The following SPON1 variants were observed in gnomAD, a reference collection of about 807,000 sequenced individuals.
SPON1 encodes spondin-1.
Under a neutral mutation model 111.7 loss-of-function variants are expected in SPON1, and 52 were observed. The observed-to-expected ratio is 0.47, with a 90% CI of 0.37 to 0.59. The LOEUF (loss-of-function observed/expected upper bound fraction) is 0.59. Among genes scored for constraint, SPON1 ranks in the 20% least tolerant of loss-of-function variants. SPON1 has a pLI of 0.00. For synonymous variants in SPON1, 410 were observed against 395.8 expected (o/e 1.04, Z -0.43); for missense variants, 957 against 1,068.5 (o/e 0.90, Z 1.46).
At chr11:14,221,301 C>A (rs1403535192) in intron 6 of SPON1, among the ~76,000 whole-genome samples, 1 of 152,086 alleles carries the variant, frequency 6.6e-6, no homozygotes, top group Non-Finnish European at 1.5e-5. Flanking sequence ...CTGTTTTATT[C>A]TTCTCGAGAA....
chr11:14,156,650 C>A (rs1171279661), intron 6 of SPON1, among the ~76,000 whole-genome samples: 1 of 152,060 alleles, frequency 6.6e-6, no homozygotes, highest in Non-Finnish European at 1.5e-5. Flanking sequence ...AGTCTTTAAT[C>A]CATCTTGAAG....
At chr11:14,189,849 T>C (rs1848326270) in intron 6 of SPON1, among the ~76,000 whole-genome samples, 1 of 152,170 alleles carries the variant, frequency 6.6e-6, no homozygotes, top group Non-Finnish European at 1.5e-5. Flanking sequence ...TTAAACTACA[T>C]CATTTCAAAG....
intron 6 of SPON1, among the ~76,000 whole-genome samples, chr11:14,163,677 A>C (rs1378119293): frequency 6.6e-6 from 1 of 152,172 alleles, no homozygotes; most frequent in Non-Finnish European, 1.5e-5. Flanking sequence ...GGGTGAGAGA[A>C]ATACACATGC....
At chr11:14,067,195 A>G (rs182729414) in intron 3 of SPON1, among the ~76,000 whole-genome samples, 3 of 152,206 alleles carry the variant, frequency 2.0e-5, no homozygotes, top group Admixed American at 2.0e-4. Context: ...CAAAACAACA[A>G]TAAAAGACCT....
intron 6 of SPON1, among the ~76,000 whole-genome samples, chr11:14,229,257 T>C (rs562607991): frequency 1.3e-5 from 2 of 152,352 alleles, no homozygotes; most frequent in South Asian, 2.1e-4. Context: ...GTGGGGAAGA[T>C]ACCTTTATAC....
At chr11:14,136,627 C>A (rs1348072746) in intron 6 of SPON1, among the ~76,000 whole-genome samples, 1 of 152,206 alleles carries the variant, frequency 6.6e-6, no homozygotes, top group African/African-American at 2.4e-5. Context: ...ACAAAGGTCA[C>A]TCTGACTCCT....
chr11:14,201,279 G>T (rs1848459880), intron 6 of SPON1, among the ~76,000 whole-genome samples: 1 of 151,788 alleles, frequency 6.6e-6, no homozygotes, highest in South Asian at 2.1e-4. Context: ...GGCAGAGCTT[G>T]CAATGAGCCA....
At chr11:14,255,577 A>G in intron 8 of SPON1, 70 bp from the exon 9 acceptor site, 3 of 1,491,974 alleles carry the variant, frequency 2.0e-6, no homozygotes, top group Admixed American at 1.8e-5. Flanking sequence ...TCTGATCCAT[A>G]TAACAAATGG....
At chr11:14,075,439 A>G (rs1554921334) in intron 4 of SPON1, 21 bp downstream of exon 4, 1 of 1,466,460 alleles carries the variant, frequency 6.8e-7, no homozygotes, top group Non-Finnish European at 9.3e-7. Context: ...GTGGGTGGGG[A>G]GGGGGAGGGG....
At chr11:14,094,751 A>C (rs1278430917) in intron 5 of SPON1, among the ~76,000 whole-genome samples, 1 of 152,182 alleles carries the variant, frequency 6.6e-6, no homozygotes, top group African/African-American at 2.4e-5. Flanking sequence ...GGAGATGAGC[A>C]ATGAAAAGCT....
At chr11:14,125,051 G>C (rs1847438730) in intron 5 of SPON1, among the ~76,000 whole-genome samples, 1 of 152,176 alleles carries the variant, frequency 6.6e-6, no homozygotes, top group South Asian at 2.1e-4. Context: ...TTCTGGGATG[G>C]GAACCTGAAA....
At chr11:13,988,385 A>G (rs1405561763) in intron 2 of SPON1, among the ~76,000 whole-genome samples, 2 of 152,080 alleles carry the variant, frequency 1.3e-5, no homozygotes, top group Non-Finnish European at 2.9e-5. Flanking sequence ...AATGCTTGTG[A>G]TTTTTGCACA....
intron 4 of SPON1, among the ~76,000 whole-genome samples, chr11:14,079,693 C>CTTTT (rs1554921850): frequency 3.3e-5 from 5 of 150,674 alleles, no homozygotes; most frequent in African/African-American, 1.2e-4. Context: ...AAAAAGCTCT[C>CTTTT]TTTTTTTTTT....
intron 7 of SPON1, among the ~76,000 whole-genome samples, 197 bp from the exon 8 acceptor site, chr11:14,254,331 C>G (rs1262167806): frequency 1.3e-5 from 2 of 152,174 alleles, no homozygotes; most frequent in African/African-American, 4.8e-5. Flanking sequence ...ATATGGTTCT[C>G]TCCACATTTG....
At chr11:14,121,695 T>C (rs928307584) in intron 5 of SPON1, among the ~76,000 whole-genome samples, 17 of 152,350 alleles carry the variant, frequency 1.1e-4, no homozygotes, top group Admixed American at 6.5e-4. Flanking sequence ...TCCAGCACTC[T>C]TTATTCCTTC....
In SPON1 at chr11:14,041,612, T is replaced by C. The variant is rs986443756; in HGVS notation, c.437T>C (p.Phe146Ser). The C allele has an allele frequency of 8.1e-6, 13 of 1,613,768 alleles. No homozygotes were observed. The African/African-American group carries it at 1.3e-4, about 17-fold the overall frequency. ...TPRRRTRIQV[F>S]WIAPPAGTGC... ...CGGAGGAGGACCCGGATCCAGGTGT[T>C]TTGGATAGCACCACCAGCGGGAACA... Residue 146 changes from phenylalanine to serine, a missense_variant, in exon 3 of 16, where the codon TTT becomes TCT. Coordinates refer to ENST00000576479, the MANE Select transcript of SPON1 (RefSeq NM_006108.4).
intron 2 of SPON1, among the ~76,000 whole-genome samples, chr11:13,997,242 G>A (rs782554649): frequency 2.0e-5 from 3 of 152,138 alleles, no homozygotes; most frequent in Non-Finnish European, 4.4e-5. Context: ...CCTATTTTCA[G>A]GCTGCTCTAA....
intron 3 of SPON1, among the ~76,000 whole-genome samples, chr11:14,044,044 C>A (rs1848650745): frequency 6.6e-6 from 1 of 152,070 alleles, no homozygotes. Context: ...TTGATCTTCA[C>A]AGAAAACGAC....
intron 5 of SPON1, among the ~76,000 whole-genome samples, chr11:14,106,252 A>G (rs1849183483): frequency 6.6e-6 from 1 of 152,222 alleles, no homozygotes; most frequent in Non-Finnish European, 1.5e-5. Flanking sequence ...CAAGAAATGC[A>G]TACTTTAATA....
Sources: allele counts gnomAD v4.1 joint callset (sites outside exome capture counted in the v4.1 genomes callset), GRCh38; gene constraint gnomAD v4.1.1; transcripts MANE v1.5; gene names NCBI Gene and HGNC (gene_info 2026-07-23, HGNC 2026-07-21).